The following FAM78B variants were observed in gnomAD, a reference collection of about 807,000 sequenced individuals.
FAM78B encodes family with sequence similarity 78 member B.
FAM78B carries 10 observed loss-of-function variants against 20.0 expected under a neutral mutation model. The observed-to-expected ratio is 0.50, with a 90% CI of 0.31 to 0.85. The LOEUF (loss-of-function observed/expected upper bound fraction) is 0.85. FAM78B is among the 40% of genes least tolerant of loss of function. The pLI, the probability that FAM78B is intolerant of heterozygous loss-of-function variation, is 0.05. For synonymous variants in FAM78B, 135 were observed against 132.8 expected (o/e 1.02, Z -0.12); for missense variants, 283 against 345.0 (o/e 0.82, Z 1.42).
chr1:166,088,759 A>G (rs1194122656), intron 1 of FAM78B, among the ~76,000 whole-genome samples: 1 of 152,016 alleles, frequency 6.6e-6, no homozygotes, highest in Non-Finnish European at 1.5e-5. Flanking sequence ...TTGGCCAACC[A>G]CGGGGAGGGG....
chr1:166,110,078 A>G (rs1653990613), intron 1 of FAM78B, among the ~76,000 whole-genome samples: 1 of 150,530 alleles, frequency 6.6e-6, no homozygotes, highest in Admixed American at 6.7e-5. Context: ...ATGAGGACAC[A>G]AAGGCATAAG....
chr1:166,148,829 G>A (rs1020530463), intron 1 of FAM78B, among the ~76,000 whole-genome samples: 2 of 152,250 alleles, frequency 1.3e-5, no homozygotes, highest in African/African-American at 4.8e-5. Flanking sequence ...CCTCACATAA[G>A]TGATAAGCAT....
intron 1 of FAM78B, among the ~76,000 whole-genome samples, chr1:166,113,995 G>A (rs10918368): frequency 0.2 from 29,661 of 152,088 alleles, 3,290 homozygotes; most frequent in East Asian, 0.37. Context: ...ACCACATTAG[G>A]GCCCACTAAC....
At chr1:166,094,003 C>CTCTGTGTGTGTGTGTGTGTGTGTG (rs1553217256) in intron 1 of FAM78B, among the ~76,000 whole-genome samples, 1 of 125,520 alleles carries the variant, frequency 8.0e-6, no homozygotes, top group Admixed American at 8.0e-5. Flanking sequence ...TTGCGAATGA[C>CTCTGTGTGTGTGTGTGTGTGTGTG]TGTGTGTGTG....
chr1:166,141,956 G>A (rs569468583), intron 1 of FAM78B, among the ~76,000 whole-genome samples: 74 of 152,302 alleles, frequency 4.9e-4, no homozygotes, highest in Middle Eastern at 3.4e-3. Context: ...GCTGAGAGAT[G>A]CTGGTCCTGC....
At chr1:166,105,756 TG>T (rs1653748959) in intron 1 of FAM78B, among the ~76,000 whole-genome samples, 1 of 151,858 alleles carries the variant, frequency 6.6e-6, no homozygotes, top group African/African-American at 2.4e-5. Flanking sequence ...ACACTGTTGG[TG>T]GGACTGTAAA....
Position 166,144,696 on chromosome 1 carries a change from T to C in FAM78B, c.263+21290A>G, listed in dbSNP as rs553558400. On this transcript the variant is annotated intron_variant, in intron 1 of 1. Coordinates refer to ENST00000354422, the MANE Select transcript of FAM78B (RefSeq NM_001017961.5). ...CTGTTTATCTCTCAAACCTCAGCTATTTTCTCCAGCAACAAGGTGTAAACT... is the reference window on the plus strand; with the variant it reads ...CTGTTTATCTCTCAAACCTCAGCTACTTTCTCCAGCAACAAGGTGTAAACT... Among the ~76,000 whole-genome samples the C allele has an allele frequency of 4.6e-5, 7 of 152,160 alleles. No homozygotes were observed. In the South Asian group the frequency reaches 8.3e-4, roughly 18 times the overall value.
chr1:166,061,521 T>TA (rs911652219), intron 2 of FAM78B, among the ~76,000 whole-genome samples: 1 of 152,052 alleles, frequency 6.6e-6, no homozygotes, highest in African/African-American at 2.4e-5. Flanking sequence ...AGGCAGATGG[T>TA]AAAAAAAACT....
At chr1:166,108,926 C>T (rs1447143464) in intron 1 of FAM78B, among the ~76,000 whole-genome samples, 1 of 152,116 alleles carries the variant, frequency 6.6e-6, no homozygotes, top group Admixed American at 6.6e-5. Context: ...ACACCCTTGT[C>T]AACAAATGGT....
At chr1:166,138,154 A>G (rs906672531) in intron 1 of FAM78B, among the ~76,000 whole-genome samples, 7 of 152,254 alleles carry the variant, frequency 4.6e-5, no homozygotes, top group Non-Finnish European at 1.0e-4. Flanking sequence ...TAGGACCTAG[A>G]GGGGACGGAG....
chr1:166,071,044 A>C (rs188515584), intron 1 of FAM78B, among the ~76,000 whole-genome samples: 1 of 152,226 alleles, frequency 6.6e-6, no homozygotes, highest in South Asian at 2.1e-4. Flanking sequence ...CCACAAAGAG[A>C]CATCAACTAG....
At chr1:166,119,386 T>C (rs1654382278) in intron 1 of FAM78B, among the ~76,000 whole-genome samples, 3 of 152,174 alleles carry the variant, frequency 2.0e-5, no homozygotes, top group Admixed American at 2.0e-4. Context: ...ACATGAGTGA[T>C]TCCAAAGGAG....
intron 1 of FAM78B, among the ~76,000 whole-genome samples, chr1:166,139,147 G>A (rs900272409): frequency 6.6e-6 from 1 of 152,156 alleles, no homozygotes; most frequent in African/African-American, 2.4e-5. Flanking sequence ...GAAAATGGAG[G>A]TCCATAAAGG....
intron 1 of FAM78B, among the ~76,000 whole-genome samples, chr1:166,125,952 C>T (rs1654627159): frequency 6.6e-6 from 1 of 151,360 alleles, no homozygotes; most frequent in Non-Finnish European, 1.5e-5. Flanking sequence ...CTGCCTCATC[C>T]TCCCAAGTAG....
At chr1:166,090,372 G>C (rs1653019429) in intron 1 of FAM78B, among the ~76,000 whole-genome samples, 1 of 152,134 alleles carries the variant, frequency 6.6e-6, no homozygotes, top group Admixed American at 6.5e-5. Context: ...CGGACAGGCA[G>C]AGCAATGCCT....
intron 1 of FAM78B, among the ~76,000 whole-genome samples, chr1:166,073,116 G>A (rs1175874231): frequency 6.6e-6 from 1 of 152,168 alleles, no homozygotes; most frequent in East Asian, 1.9e-4. Context: ...AGGAGGGAAG[G>A]AAAATACCCT....
intron 1 of FAM78B, among the ~76,000 whole-genome samples, chr1:166,108,466 C>T (rs935762218): frequency 1.3e-5 from 2 of 151,826 alleles, no homozygotes; most frequent in Non-Finnish European, 2.9e-5. Flanking sequence ...AGTCAAAAGA[C>T]CTCTACAAGG....
intron 1 of FAM78B, among the ~76,000 whole-genome samples, chr1:166,084,781 T>G (rs1652746654): frequency 6.6e-6 from 1 of 152,154 alleles, no homozygotes; most frequent in African/African-American, 2.4e-5. Context: ...ACTTGCTGCT[T>G]GTCAGGCTTG....
chr1:166,085,002 G>A (rs1387688194), intron 1 of FAM78B, among the ~76,000 whole-genome samples: 1 of 152,160 alleles, frequency 6.6e-6, no homozygotes, highest in Non-Finnish European at 1.5e-5. Context: ...CAGAGAAGGT[G>A]TGGTGCACTT....
Sources: allele counts gnomAD v4.1 joint callset (sites outside exome capture counted in the v4.1 genomes callset), GRCh38; gene constraint gnomAD v4.1.1; transcripts MANE v1.5; gene names NCBI Gene and HGNC (gene_info 2026-07-23, HGNC 2026-07-21).